Variants in SDK1 observed in about 807,000 individuals in gnomAD.
SDK1 encodes the protein sidekick cell adhesion molecule 1, also known as protein sidekick-1.
In SDK1, 157 loss-of-function variants were observed where a neutral mutation model predicts 245.5. The observed-to-expected ratio is 0.64, with a 90% confidence interval of 0.56 to 0.73. The LOEUF is 0.73. Among genes scored for constraint, SDK1 ranks in the 30% least tolerant of loss-of-function variants. SDK1 has a pLI of 0.00. For synonymous variants in SDK1, 1,647 were observed against 1,278.5 expected (o/e 1.29, Z -6.15); for missense variants, 3,583 against 3,002.3 (o/e 1.19, Z -4.52).
intron 30 of SDK1, among the ~76,000 whole-genome samples, chr7:4,157,395 A>G (rs1302009912): frequency 2.5e-5 from 2 of 79,616 alleles, no homozygotes; most frequent in East Asian, 2.6e-4. Context: ...GAATGAGGGG[A>G]GGGAGGGAGG....
At chr7:3,432,147 T>TA (rs1053541308) in intron 1 of SDK1, among the ~76,000 whole-genome samples, 1 of 148,366 alleles carries the variant, frequency 6.7e-6, no homozygotes, top group Non-Finnish European at 1.5e-5. Flanking sequence ...ATTTTATATT[T>TA]AAAAAATATA....
intron 5 of SDK1, among the ~76,000 whole-genome samples, chr7:3,915,298 T>C (rs902141435): frequency 3.3e-5 from 5 of 152,192 alleles, no homozygotes; most frequent in African/African-American, 7.2e-5. Context: ...AGGAGACCCC[T>C]GAAGAGCATG....
At chr7:3,921,550 C>T (rs1424927813) in intron 5 of SDK1, among the ~76,000 whole-genome samples, 1 of 152,158 alleles carries the variant, frequency 6.6e-6, no homozygotes, top group East Asian at 1.9e-4. Context: ...CCTCTCTTCT[C>T]TATAGACTTG....
chr7:3,419,424 C>T (rs183986383), intron 1 of SDK1, among the ~76,000 whole-genome samples: 296 of 152,246 alleles, frequency 1.9e-3, no homozygotes, highest in Admixed American at 3.3e-3. Context: ...CACTAGAGCA[C>T]CTGCTCCCCC....
rs181569529 is a variant in SDK1 at position 3,500,747 on chromosome 7, C to T, written c.299-118333C>T. The stretch of plus-strand genomic sequence containing the variant: ...TAATGACTTCATCCTTTAATTTTTT[C>T]CTCTCCTTTCTTTCTAAGACTCCTG... On this transcript the variant is annotated intron_variant, in intron 1 of 44. Transcript: ENST00000404826. Among the ~76,000 whole-genome samples the T allele has an allele frequency of 2.9e-3, 448 of 151,942 alleles. 5 individuals are homozygous for T. Among genetic ancestry groups the T allele is most frequent in the African/African-American group, 9.8e-3 (405 of 41,488 alleles).
intron 1 of SDK1, among the ~76,000 whole-genome samples, chr7:3,384,589 C>A (rs920732792): frequency 1.8e-5 from 2 of 113,830 alleles, no homozygotes; most frequent in African/African-American, 5.1e-5. Flanking sequence ...TACATCATAC[C>A]CTCGAACATC....
At chr7:3,740,400 A>G (rs1367739906) in intron 4 of SDK1, among the ~76,000 whole-genome samples, 1 of 152,130 alleles carries the variant, frequency 6.6e-6, no homozygotes, top group African/African-American at 2.4e-5. Flanking sequence ...GTTGCTTGTT[A>G]GCCCCAGTTC....
At chr7:3,891,527 G>T (rs1004360947) in intron 5 of SDK1, among the ~76,000 whole-genome samples, 2 of 152,134 alleles carry the variant, frequency 1.3e-5, no homozygotes, top group African/African-American at 4.8e-5. Context: ...TTTTGAAGCT[G>T]TCCTGTTTGT....
At chr7:4,214,727 G>A (rs1007314821) in intron 38 of SDK1, among the ~76,000 whole-genome samples, 3 of 152,212 alleles carry the variant, frequency 2.0e-5, no homozygotes, top group African/African-American at 7.2e-5. Context: ...AGCGGATCCA[G>A]GTGTGGATTG....
chr7:3,573,472 GC>G (rs61205520), intron 1 of SDK1, among the ~76,000 whole-genome samples: 24,439 of 151,976 alleles, frequency 0.16, 2,396 homozygotes, highest in East Asian at 0.35. Context: ...GCTTTGGGGA[GC>G]CCCCATCACA....
intron 13 of SDK1, among the ~76,000 whole-genome samples, chr7:3,981,275 T>A (rs943430584): frequency 5.3e-5 from 8 of 152,194 alleles, no homozygotes; most frequent in Non-Finnish European, 1.2e-4. Context: ...GATGGCAAAC[T>A]TAAGCTATAA....
chr7:3,426,433 T>A (rs190029846), intron 1 of SDK1, among the ~76,000 whole-genome samples: 10 of 152,328 alleles, frequency 6.6e-5, no homozygotes, highest in Admixed American at 3.9e-4. Flanking sequence ...TGTGCCACCC[T>A]AGGCAAGTCA....
At chr7:3,482,566 A>C (rs115130515) in intron 1 of SDK1, among the ~76,000 whole-genome samples, 2 of 152,196 alleles carry the variant, frequency 1.3e-5, no homozygotes, top group Admixed American at 1.3e-4. Flanking sequence ...TGGAGTAGCA[A>C]GGAAAGCGCT....
chr7:3,455,030 G>A (rs138566097), intron 1 of SDK1, among the ~76,000 whole-genome samples: 3 of 151,928 alleles, frequency 2.0e-5, no homozygotes, highest in African/African-American at 4.8e-5. Flanking sequence ...ATTCTGATAG[G>A]TATGCAGTGA....
intron 1 of SDK1, among the ~76,000 whole-genome samples, chr7:3,397,580 T>C (rs941818000): frequency 3.9e-5 from 6 of 151,988 alleles, no homozygotes; most frequent in Non-Finnish European, 7.4e-5. Flanking sequence ...TTCCCTGTAA[T>C]ATGCAAGTCA....
At chr7:3,437,179 G>A (rs774048501) in intron 1 of SDK1, among the ~76,000 whole-genome samples, 2 of 152,108 alleles carry the variant, frequency 1.3e-5, no homozygotes, top group Non-Finnish European at 2.9e-5. Context: ...CCCTTCAGGG[G>A]TGAAAGGAGA....
intron 1 of SDK1, among the ~76,000 whole-genome samples, chr7:3,439,443 A>G (rs1246934036): frequency 6.6e-6 from 1 of 152,052 alleles, no homozygotes; most frequent in African/African-American, 2.4e-5. Flanking sequence ...GTAATGTTAG[A>G]TTGTTTCGGG....
At chr7:4,243,960 GCTC>G (rs1269710910) in intron 43 of SDK1, among the ~76,000 whole-genome samples, 1 of 152,158 alleles carries the variant, frequency 6.6e-6, no homozygotes, top group Non-Finnish European at 1.5e-5. Flanking sequence ...CACCATTTTA[GCTC>G]CTTAGATAAA....
intron 1 of SDK1, among the ~76,000 whole-genome samples, chr7:3,596,620 C>T (rs1046753240): frequency 6.6e-6 from 1 of 152,180 alleles, no homozygotes; most frequent in East Asian, 1.9e-4. Flanking sequence ...AATCTCCATC[C>T]CTGTAGGCAG....
Sources: allele counts gnomAD v4.1 joint callset (sites outside exome capture counted in the v4.1 genomes callset), GRCh38; gene constraint gnomAD v4.1.1; transcripts MANE v1.5; gene names NCBI Gene and HGNC (gene_info 2026-07-23, HGNC 2026-07-21).